GALNTL6: variants seen among roughly 807,000 people sequenced by gnomAD.
The protein encoded by GALNTL6 is polypeptide N-acetylgalactosaminyltransferase-like 6.
Under a neutral mutation model 73.7 loss-of-function variants are expected in GALNTL6, and 46 were observed. The observed-to-expected ratio is 0.62, with a 90% confidence interval of 0.49 to 0.80. The LOEUF (loss-of-function observed/expected upper bound fraction) is 0.80. Ranked by LOEUF, GALNTL6 falls within the 30% of genes least tolerant of loss-of-function variation. The pLI is 0.00. For synonymous variants in GALNTL6, 259 were observed against 263.7 expected (o/e 0.98, Z 0.17); for missense variants, 604 against 755.0 (o/e 0.80, Z 2.34).
chr4:172,180,685 ACAC>A (rs1047720750), intron 2 of GALNTL6, among the ~76,000 whole-genome samples: 111 of 152,120 alleles, frequency 7.3e-4, no homozygotes, highest in African/African-American at 2.6e-3. Flanking sequence ...AGTTTTCCCA[ACAC>A]CATTTATTCA....
At chr4:173,035,092 A>AT (rs1195532665) in intron 12 of GALNTL6, among the ~76,000 whole-genome samples, 1 of 141,960 alleles carries the variant, frequency 7.0e-6, no homozygotes, top group African/African-American at 2.9e-5. Context: ...TACTACAAAC[A>AT]TTTCTTTTTT....
intron 5 of GALNTL6, among the ~76,000 whole-genome samples, chr4:172,792,764 A>AT (rs1740068215): frequency 2.0e-5 from 3 of 148,320 alleles, no homozygotes; most frequent in Non-Finnish European, 4.5e-5. Context: ...TTAGTTTTTA[A>AT]TTGTGTTTTC....
intron 2 of GALNTL6, among the ~76,000 whole-genome samples, chr4:171,985,758 G>A (rs111325038): frequency 0.11 from 16,316 of 150,626 alleles, 1,420 homozygotes; most frequent in African/African-American, 0.24. Context: ...ATATATATAT[G>A]CTTTTTCAAA....
chr4:172,253,413 A>G (rs1737950170), intron 3 of GALNTL6, among the ~76,000 whole-genome samples: 1 of 151,956 alleles, frequency 6.6e-6, no homozygotes, highest in African/African-American at 2.4e-5. Flanking sequence ...GTCATGACTG[A>G]TGTAAAGCCA....
At chr4:172,451,885 C>G (rs1732225664) in intron 5 of GALNTL6, among the ~76,000 whole-genome samples, 1 of 151,990 alleles carries the variant, frequency 6.6e-6, no homozygotes, top group African/African-American at 2.4e-5. Context: ...GTGGTGTGCA[C>G]CTGTAGTCCT....
chr4:172,442,797 A>G (rs1460363787), intron 5 of GALNTL6, among the ~76,000 whole-genome samples: 1 of 152,134 alleles, frequency 6.6e-6, no homozygotes, highest in Admixed American at 6.6e-5. Flanking sequence ...ATTAAGATCT[A>G]GCAAAAATTG....
At chr4:172,980,615 G>A (rs1227396972) in intron 10 of GALNTL6, among the ~76,000 whole-genome samples, 1 of 152,156 alleles carries the variant, frequency 6.6e-6, no homozygotes, top group Non-Finnish European at 1.5e-5. Context: ...TGTTCATATG[G>A]TTGTGCATAT....
chr4:171,890,460 C>T (rs917987763), intron 2 of GALNTL6, among the ~76,000 whole-genome samples: 1 of 152,062 alleles, frequency 6.6e-6, no homozygotes, highest in Admixed American at 6.6e-5. Flanking sequence ...CATGTACTCT[C>T]TCTATATTTT....
chr4:172,461,727 A>C (rs1000585941), intron 5 of GALNTL6, among the ~76,000 whole-genome samples: 4 of 152,224 alleles, frequency 2.6e-5, no homozygotes, highest in South Asian at 2.1e-4. Context: ...ATAAGGTCAG[A>C]GTTACTACTT....
At chr4:172,860,965 C>G (rs1017777105) in intron 7 of GALNTL6, among the ~76,000 whole-genome samples, 6 of 152,100 alleles carry the variant, frequency 3.9e-5, no homozygotes, top group African/African-American at 1.4e-4. Context: ...CCCATATGGC[C>G]TCTTCCTATA....
At chr4:172,876,221 A>T (rs1226400600) in intron 7 of GALNTL6, among the ~76,000 whole-genome samples, 1 of 152,244 alleles carries the variant, frequency 6.6e-6, no homozygotes, top group Admixed American at 6.5e-5. Flanking sequence ...TAACAGTATT[A>T]TATGTCATTA....
chr4:171,995,691 A>G (rs1263722180), intron 2 of GALNTL6, among the ~76,000 whole-genome samples: 1 of 152,050 alleles, frequency 6.6e-6, no homozygotes, highest in Non-Finnish European at 1.5e-5. Flanking sequence ...AAGAAATTTT[A>G]CCTTAGTATT....
At chr4:172,523,878 A>T (rs540355943) in intron 5 of GALNTL6, among the ~76,000 whole-genome samples, 3 of 152,294 alleles carry the variant, frequency 2.0e-5, no homozygotes, top group East Asian at 3.9e-4. Context: ...CATACAAAAG[A>T]TATATAACTC....
intron 2 of GALNTL6, among the ~76,000 whole-genome samples, chr4:172,036,963 A>G (rs1012627799): frequency 6.6e-6 from 1 of 151,940 alleles, no homozygotes; most frequent in Admixed American, 6.6e-5. Context: ...CTTTTTATTC[A>G]TCTTTCCTTG....
At chr4:172,998,375 T>G (rs1751889986) in intron 10 of GALNTL6, among the ~76,000 whole-genome samples, 1 of 152,218 alleles carries the variant, frequency 6.6e-6, no homozygotes, top group African/African-American at 2.4e-5. Context: ...ACTTCACAAT[T>G]TTTTTATCAG....
chr4:172,264,188 A>G (rs1225347058), intron 3 of GALNTL6, among the ~76,000 whole-genome samples: 1 of 151,534 alleles, frequency 6.6e-6, no homozygotes, highest in African/African-American at 2.4e-5. Flanking sequence ...CAAGAATAAG[A>G]CCAACAAATA....
At chr4:172,836,193 T>C (rs1328189782) in intron 7 of GALNTL6, among the ~76,000 whole-genome samples, 5 of 152,216 alleles carry the variant, frequency 3.3e-5, no homozygotes, top group African/African-American at 1.2e-4. Flanking sequence ...TGGTTCAGCA[T>C]GGCCCATTCT....
intron 2 of GALNTL6, among the ~76,000 whole-genome samples, chr4:172,187,472 A>G (rs1735448332): frequency 6.6e-6 from 1 of 152,094 alleles, no homozygotes; most frequent in African/African-American, 2.4e-5. Context: ...GCTCAAATTC[A>G]TTAGTGTTCA....
Position 172,265,768 on chromosome 4 carries a change from C to A in GALNTL6, c.247+36004C>A, listed in dbSNP as rs185547224. 7.2e-5 allele frequency among the ~76,000 whole-genome samples: 11 copies of A among 151,960 alleles called. No homozygotes were observed. In the East Asian group the frequency reaches 1.2e-3, roughly 16 times the overall value. On this transcript the variant is annotated intron_variant, in intron 3 of 12. Transcript: ENST00000506823. ...TAGAATAAAATGGGAAATTTTCCTTCTTTTGTTTATAAAGAACAACTATTA... is the reference window on the plus strand; with the variant it reads ...TAGAATAAAATGGGAAATTTTCCTTATTTTGTTTATAAAGAACAACTATTA...
Sources: allele counts gnomAD v4.1 joint callset (sites outside exome capture counted in the v4.1 genomes callset), GRCh38; gene constraint gnomAD v4.1.1; transcripts MANE v1.5; gene names NCBI Gene and HGNC (gene_info 2026-07-23, HGNC 2026-07-21).